The following KSR1 variants were observed in gnomAD, a reference collection of about 807,000 sequenced individuals.
The protein encoded by KSR1 is kinase suppressor of ras.
A neutral mutation model predicts 92.9 loss-of-function variants in KSR1; 35 were observed. That is an observed-to-expected ratio of 0.38 (90% CI 0.29 to 0.50). KSR1 has a LOEUF of 0.50. KSR1 is among the 20% of genes least tolerant of loss of function. The probability of loss-of-function intolerance (pLI) is 0.94; values close to 1 mark genes in which losing one functional copy is unlikely to be tolerated. For synonymous variants in KSR1, 467 were observed against 472.6 expected (o/e 0.99, Z 0.15); for missense variants, 972 against 1,158.5 (o/e 0.84, Z 2.34).
chr17:27,554,936 C>T (rs1303520473), intron 2 of KSR1, among the ~76,000 whole-genome samples: 1 of 152,180 alleles, frequency 6.6e-6, no homozygotes, highest in Non-Finnish European at 1.5e-5. Flanking sequence ...CACCCAGTTT[C>T]CCCATCATTA....
intron 4 of KSR1, among the ~76,000 whole-genome samples, chr17:27,585,289 T>A (rs1055579730): frequency 7.9e-5 from 12 of 152,300 alleles, no homozygotes; most frequent in African/African-American, 2.9e-4. Flanking sequence ...GCTCTCCCAC[T>A]GTGAGCCATG....
intron 1 of KSR1, among the ~76,000 whole-genome samples, chr17:27,526,070 C>T (rs55732026): frequency 9.8e-5 from 8 of 81,378 alleles, no homozygotes; most frequent in Admixed American, 1.4e-4. Flanking sequence ...CTCTTTCTTT[C>T]TCTTTCTTTC....
intron 1 of KSR1, among the ~76,000 whole-genome samples, chr17:27,542,766 A>G (rs899386521): frequency 2.0e-5 from 3 of 152,184 alleles, no homozygotes; most frequent in South Asian, 2.1e-4. Flanking sequence ...TGAGCACTTT[A>G]TATGTTCTGG....
At chr17:27,557,003 C>T (rs1160898590) in intron 2 of KSR1, among the ~76,000 whole-genome samples, 2 of 152,188 alleles carry the variant, frequency 1.3e-5, no homozygotes, top group African/African-American at 2.4e-5. Flanking sequence ...GGAGGAGTGC[C>T]AAGGTCCTGC....
chr17:27,613,824 G>T (rs560912966), intron 18 of KSR1, among the ~76,000 whole-genome samples: 2 of 152,242 alleles, frequency 1.3e-5, no homozygotes, highest in South Asian at 2.1e-4. Flanking sequence ...AATTTTTTTT[G>T]AAGCAGTTTT....
At chr17:27,560,472 T>C (rs768577980) in intron 2 of KSR1, 3 of 518,922 alleles carry the variant, frequency 5.8e-6, no homozygotes, top group Non-Finnish European at 1.2e-5. Context: ...GGGATTTTTG[T>C]TGTGATCCTG....
At chr17:27,564,474 A>G (rs2071976523) in intron 2 of KSR1, among the ~76,000 whole-genome samples, 1 of 152,250 alleles carries the variant, frequency 6.6e-6, no homozygotes, top group Non-Finnish European at 1.5e-5. Flanking sequence ...CAGTTTAGGC[A>G]ATACAAATCC....
chr17:27,623,250 G>T, intron 20 of KSR1, 64 bp from the exon 21 acceptor site: 2 of 729,978 alleles, frequency 2.7e-6, no homozygotes, highest in South Asian at 2.9e-5. Context: ...TTCCTAGCTA[G>T]TGTTACCCTA....
intron 1 of KSR1, chr17:27,526,549 T>C: frequency 6.2e-7 from 1 of 1,602,854 alleles, no homozygotes; most frequent in Non-Finnish European, 8.5e-7. Flanking sequence ...TGCTGGATTT[T>C]GGCCACAATG....
chr17:27,583,168 T>C (rs1598080451), intron 4 of KSR1, 63 bp downstream of exon 4: 13 of 1,170,076 alleles, frequency 1.1e-5, no homozygotes, highest in Non-Finnish European at 1.5e-5. Flanking sequence ...CATAAAGATA[T>C]ATGGAAGGAC....
At chr17:27,591,919 G>A (rs999938469) in intron 7 of KSR1, among the ~76,000 whole-genome samples, 7 of 152,210 alleles carry the variant, frequency 4.6e-5, no homozygotes, top group Admixed American at 3.3e-4. Flanking sequence ...CAGACCTCAC[G>A]GTCCATTGCA....
At chr17:27,476,806 A>G (rs184123944) in intron 1 of KSR1, among the ~76,000 whole-genome samples, 76 of 152,274 alleles carry the variant, frequency 5.0e-4, no homozygotes, top group Admixed American at 4.4e-3. Context: ...ACTGTACCCC[A>G]CCAGTCCCCT....
intron 5 of KSR1, chr17:27,587,772 T>A (rs1482768964): frequency 1.3e-5 from 2 of 152,294 alleles, no homozygotes; most frequent in Admixed American, 6.5e-5. Flanking sequence ...AATCCCAGGC[T>A]GGGAGAGGGA....
intron 20 of KSR1, chr17:27,621,830 T>C (rs2074231507): frequency 4.1e-6 from 5 of 1,211,858 alleles, no homozygotes; most frequent in Non-Finnish European, 6.1e-6. Flanking sequence ...GGGAGTCCCC[T>C]GCCCAGCTGC....
intron 18 of KSR1, among the ~76,000 whole-genome samples, chr17:27,616,348 G>A (rs2074054123): frequency 6.6e-6 from 1 of 152,112 alleles, no homozygotes; most frequent in Non-Finnish European, 1.5e-5. Flanking sequence ...ACAGTCTGGG[G>A]GATTTCCTTG....
At chr17:27,602,149 G>T (rs1167289190) in intron 11 of KSR1, among the ~76,000 whole-genome samples, 4 of 152,066 alleles carry the variant, frequency 2.6e-5, no homozygotes, top group Admixed American at 2.0e-4. Context: ...CTGTCTTGAA[G>T]TCACAGTATT....
At chr17:27,509,544 C>T (rs1459614286) in intron 1 of KSR1, among the ~76,000 whole-genome samples, 1 of 152,060 alleles carries the variant, frequency 6.6e-6, no homozygotes, top group Non-Finnish European at 1.5e-5. Flanking sequence ...CCACCTCGGC[C>T]TCCCAAAGTG....
chr17:27,598,992 G>A (rs1226199487), intron 10 of KSR1, among the ~76,000 whole-genome samples: 1 of 152,234 alleles, frequency 6.6e-6, no homozygotes, highest in Non-Finnish European at 1.5e-5. Context: ...AAAGATTATA[G>A]TCACGTGCTG....
At chr17:27,556,823 T>C (rs2071613468) in intron 2 of KSR1, among the ~76,000 whole-genome samples, 1 of 152,220 alleles carries the variant, frequency 6.6e-6, no homozygotes, top group Non-Finnish European at 1.5e-5. Flanking sequence ...CAGGCCTTCA[T>C]GGGTTGGTGT....
Sources: allele counts gnomAD v4.1 joint callset (sites outside exome capture counted in the v4.1 genomes callset), GRCh38; gene constraint gnomAD v4.1.1; transcripts MANE v1.5; gene names NCBI Gene and HGNC (gene_info 2026-07-23, HGNC 2026-07-21).